Variants in NCBP3 observed in about 807,000 individuals in gnomAD.
The protein encoded by NCBP3 is nuclear cap-binding protein subunit 3.
A neutral mutation model predicts 75.7 loss-of-function variants in NCBP3; 20 were observed. That is an observed-to-expected ratio of 0.26 (90% CI 0.19 to 0.38). NCBP3 has a LOEUF of 0.38. Among genes scored for constraint, NCBP3 ranks in the 10% least tolerant of loss-of-function variants. The pLI, the probability that NCBP3 is intolerant of heterozygous loss-of-function variation, is 1.00. For synonymous variants in NCBP3, 293 were observed against 290.5 expected (o/e 1.01, Z -0.09); for missense variants, 678 against 796.9 (o/e 0.85, Z 1.80).
rs184716725 is a variant in NCBP3, at chr17:3,833,783, T to G, written c.356-4415A>C. Among the ~76,000 whole-genome samples the G allele has an allele frequency of 2.0e-5, 3 of 152,314 alleles. No individual in the cohort carries two copies. In the East Asian group the frequency reaches 5.8e-4, roughly 29 times the overall value. On this transcript the variant is annotated intron_variant, in intron 3 of 12. Coordinates refer to ENST00000389005, the MANE Select transcript of NCBP3 (RefSeq NM_001114118.3). ...AACAATGTTATGATGCTCTTGATAATTATTTTTGTCATTTTTTGGTCTTTG... is the reference window on the plus strand; with the variant it reads ...AACAATGTTATGATGCTCTTGATAAGTATTTTTGTCATTTTTTGGTCTTTG...
At position 3,804,836 on chromosome 17, in the gene NCBP3, A is replaced by T. The variant is rs933674520; in HGVS notation, c.*8208T>A. On this transcript the variant is annotated 3_prime_UTR_variant, in exon 13 of 13. Transcript: ENST00000389005. The stretch of plus-strand genomic sequence containing the variant: ...GGTCAACCCGATTTCTCAGATAAGG[A>T]TGCTGCCTCTGAGAGGCCACATAGC... The T allele has an allele frequency of 6.6e-6, 1 of 152,236 alleles. No homozygotes were observed. The highest frequency in any genetic ancestry group is 6.5e-5 in the Admixed American group (1 of 15,276). 9.4% of individuals were successfully genotyped at this position (152,236 alleles called of 1,614,324 possible).
Position 3,818,350 on chromosome 17 carries a change from A to C in NCBP3, c.1223T>G (p.Leu408Arg). The change falls in exon 10 of 13, where the codon CTG becomes CGG. Residue 408 changes from leucine to arginine, a missense_variant. Leu to Arg is a moderately radical substitution (Grantham distance 102). Coordinates refer to ENST00000389005, the MANE Select transcript of NCBP3 (RefSeq NM_001114118.3). The surrounding 1 kb of genome is among the most constrained non-coding windows in gnomAD (Gnocchi z 4.7). ...DSDEMDYDLE[L>R]KMISTPSPKK... ...TGGTGAAGGCGTGGAAATCATTTTC[A>C]GTTCTAGATCATAGTCCATTTCATC... The C allele has an allele frequency of 9.9e-6, 16 of 1,614,088 alleles. No individual in the cohort carries two copies. Among genetic ancestry groups the C allele is most frequent in the Non-Finnish European group, 1.3e-5 (15 of 1,180,000 alleles).
intron 2 of NCBP3, among the ~76,000 whole-genome samples, chr17:3,842,046 A>C (rs2054073773): frequency 1.3e-5 from 2 of 152,184 alleles, no homozygotes; most frequent in Admixed American, 1.3e-4. Flanking sequence ...ATATAAGGAA[A>C]ATAATAGGCT....
At position 3,807,556 on chromosome 17, in the gene NCBP3, G is replaced by GC. The variant is rs2143615899; in HGVS notation, c.*5487dup. On this transcript the variant is annotated 3_prime_UTR_variant, in exon 13 of 13. Coordinates refer to ENST00000389005, the MANE Select transcript of NCBP3 (RefSeq NM_001114118.3). ...CATTCATTTACCAAACACTTTCGAA[G>GC]CACTACTTACTCTGGGCTGGCCTGA... is the stretch of plus-strand genomic sequence containing the variant. The GC allele has an allele frequency of 6.6e-6, 1 of 152,298 alleles. No individual in the cohort carries two copies. Among genetic ancestry groups the GC allele is most frequent in the African/African-American group, 2.4e-5 (1 of 41,558 alleles). 9.4% of individuals were successfully genotyped at this position (152,298 alleles called of 1,614,324 possible). A position where few individuals can be genotyped will look rare whatever the true frequency, so the allele number is the denominator to read the frequency against.
intron 2 of NCBP3, 100 bp downstream of exon 2, chr17:3,842,986 C>CA: frequency 1.9e-6 from 2 of 1,060,410 alleles, no homozygotes; most frequent in South Asian, 1.5e-5. Flanking sequence ...AATCCAGCAA[C>CA]AAAATAAAAG....
rs993406729 is a variant in NCBP3, at chr17:3,846,134, G to A, written c.90C>T (p.Ser30=). The A allele has an allele frequency of 3.2e-6, 5 of 1,543,294 alleles. No individual in the cohort carries two copies. The highest frequency in any genetic ancestry group is 1.4e-5 in the African/African-American group (1 of 71,486). Residue 30 remains serine (S), a synonymous_variant, in exon 1 of 13, where the codon TCC becomes TCT. Coordinates refer to ENST00000389005, the MANE Select transcript of NCBP3 (RefSeq NM_001114118.3). This position sits in a 1 kb window ranked among gnomAD's most constrained non-coding sequence, Gnocchi z 4.6. ...GCTCCGGCTCGCCACGGTCAACACC[G>A]GACTCCGCCTCAGGGGACGGGAGCC... ...ALGLPSPEAE[S]GVDRGEPEPM... is the part of the protein sequence containing the mutation.
chr17:3,825,308 T>C (rs1416044486), intron 6 of NCBP3, among the ~76,000 whole-genome samples: 2 of 152,176 alleles, frequency 1.3e-5, no homozygotes, highest in African/African-American at 4.8e-5. Flanking sequence ...TGTGCATCAG[T>C]GTATCCTCTG....
At chr17:3,820,037 T>C (rs1161010335) in intron 9 of NCBP3, among the ~76,000 whole-genome samples, 1 of 152,164 alleles carries the variant, frequency 6.6e-6, no homozygotes, top group Non-Finnish European at 1.5e-5. Context: ...ACTGCAGCCT[T>C]GACCTTCCAG....
chr17:3,814,533 C>T (rs368621959), intron 11 of NCBP3, 50 bp from the exon 12 acceptor site: 23 of 1,592,942 alleles, frequency 1.4e-5, no homozygotes, highest in African/African-American at 1.3e-4. Context: ...GCTTTATGCT[C>T]GGCACCAGCC....
At chr17:3,839,770 A>G (rs570889498) in intron 3 of NCBP3, among the ~76,000 whole-genome samples, 9 of 152,338 alleles carry the variant, frequency 5.9e-5, no homozygotes, top group African/African-American at 1.9e-4. Context: ...AGGCAAAGAA[A>G]AGTTAACACC....
In NCBP3 at chr17:3,814,432, C is replaced by CTA; in HGVS notation, c.1515_1516dup (p.Ser506IlefsTer19). ...CTCTCTCCGAACGACGGGGTTACTA[C>CTA]TAAAAGCCTTTTCCGGAGAATGTGG... On this transcript the variant is annotated frameshift_variant, in exon 12 of 13. Coordinates refer to ENST00000389005, the MANE Select transcript of NCBP3 (RefSeq NM_001114118.3). LOFTEE classifies it high-confidence loss of function. 6.2e-7 allele frequency: 1 copy of CTA among 1,614,214 alleles called. No individual in the cohort carries two copies. Among genetic ancestry groups the CTA allele is most frequent in the Non-Finnish European group, 8.5e-7 (1 of 1,180,034 alleles).
rs2053391350 is a variant in NCBP3 at position 3,810,422 on chromosome 17, C to T, written c.*2622G>A. 3 of 152,204 alleles carry T rather than the reference C, an allele frequency of 2.0e-5. No individual in the cohort carries two copies. Among genetic ancestry groups the T allele is most frequent in the Non-Finnish European group, 4.4e-5 (3 of 68,038 alleles). 9.4% of individuals were successfully genotyped at this position (152,204 alleles called of 1,614,324 possible). A position where few individuals can be genotyped will look rare whatever the true frequency, so the allele number is the denominator to read the frequency against. On this transcript the variant is annotated 3_prime_UTR_variant, in exon 13 of 13. Transcript: ENST00000389005. Reference sequence around the variant, plus strand: ...CAAATGAGGTATCTGCAATTATCATCAAGCAGCAAACATGTATGTAAAATC... The same window carrying T: ...CAAATGAGGTATCTGCAATTATCATTAAGCAGCAAACATGTATGTAAAATC...
At chr17:3,828,591 A>C (rs1272226880) in intron 4 of NCBP3, among the ~76,000 whole-genome samples, 1 of 152,176 alleles carries the variant, frequency 6.6e-6, no homozygotes, top group Non-Finnish European at 1.5e-5. Context: ...CAAGACAAGA[A>C]GCCAGCAAAG....
rs2053790973 is a variant in NCBP3, at chr17:3,826,695, A to AAG, written c.482-481_482-480insCT. Among the ~76,000 whole-genome samples the AAG allele has an allele frequency of 4.7e-4, 69 of 146,084 alleles. 2 individuals are homozygous for AAG. The South Asian group carries it at 0.014, about 30-fold the overall frequency. ...AAGAAAGAGAAAGAGAGACAGAAAG[A>AAG]GAAGGAAGGAAGGAAGGAAGGAAGG... On this transcript the variant is annotated intron_variant, in intron 4 of 12. Transcript: ENST00000389005.
At chr17:3,840,294 G>T in intron 2 of NCBP3, 89 bp from the exon 3 acceptor site, 2 of 1,049,752 alleles carry the variant, frequency 1.9e-6, no homozygotes, top group Non-Finnish European at 2.9e-6. Context: ...TGACAAACCT[G>T]AACTAAAAAA....
rs2053390545 is a variant in NCBP3, at chr17:3,810,367, T to C, written c.*2677A>G. On this transcript the variant is annotated 3_prime_UTR_variant, in exon 13 of 13. Transcript: ENST00000389005. Reference sequence around the variant, plus strand: ...GACGCCACAAATTATCCTGGGTACCTGGTAACTCTCCAGAGAGGAGAGTGG... The same window carrying C: ...GACGCCACAAATTATCCTGGGTACCCGGTAACTCTCCAGAGAGGAGAGTGG... The C allele has an allele frequency of 6.6e-6, 1 of 152,192 alleles. No homozygotes were observed. The highest frequency in any genetic ancestry group is 6.5e-5 in the Admixed American group (1 of 15,278). The allele number at this position is 152,192 out of a possible 1,614,324, so 9.4% of individuals were successfully genotyped here.
rs1327020154 is a variant in NCBP3, at chr17:3,810,871, TG to T, written c.*2172del. ...GAGACTGCTGAGTGCTGAAAGGCCGTGGAACAAATGGACCTGAGCTGCTGGT... is the reference window on the plus strand; with the variant it reads ...GAGACTGCTGAGTGCTGAAAGGCCGTGAACAAATGGACCTGAGCTGCTGGT... On this transcript the variant is annotated 3_prime_UTR_variant, in exon 13 of 13. Transcript: ENST00000389005. The T allele has an allele frequency of 6.6e-6, 1 of 152,286 alleles. No individual in the cohort carries two copies. The highest frequency in any genetic ancestry group is 1.5e-5 in the Non-Finnish European group (1 of 68,110). The allele number at this position is 152,286 out of a possible 1,614,324, so 9.4% of individuals were successfully genotyped here.
In NCBP3 at chr17:3,812,629, T is replaced by C; in HGVS notation, c.*415A>G. 9.8e-7 allele frequency: 1 copy of C among 1,017,566 alleles called. No individual in the cohort carries two copies. The highest frequency in any genetic ancestry group is 1.2e-6 in the Non-Finnish European group (1 of 849,238). The allele number at this position is 1,017,566 out of a possible 1,614,324, so 63.0% of individuals were successfully genotyped here. ...CAATAAGCACCTGGGAATTGACTTT[T>C]CTTGGGAAAAGGGTGCTGGTAACAG... On this transcript the variant is annotated 3_prime_UTR_variant, in exon 13 of 13. Transcript: ENST00000389005.
intron 2 of NCBP3, among the ~76,000 whole-genome samples, chr17:3,840,644 A>G (rs2054047916): frequency 6.6e-6 from 1 of 152,250 alleles, no homozygotes; most frequent in Non-Finnish European, 1.5e-5. Context: ...GCTATTAAGC[A>G]AGCAGATCTG....
Sources: gnomAD v4.1 joint callset for allele counts (sites outside exome capture counted in the v4.1 genomes callset) on GRCh38, gnomAD v4.1.1 for gene constraint, Gnocchi (gnomAD v3.1) non-coding constraint, MANE v1.5 for transcripts, NCBI Gene and HGNC (gene_info 2026-07-23, HGNC 2026-07-21) for gene names.